GLE1: variants seen among roughly 807,000 people sequenced by gnomAD.
GLE1 encodes mRNA export factor GLE1.
Under a neutral mutation model 97.3 loss-of-function variants are expected in GLE1, and 78 were observed. The ratio of observed to expected loss-of-function variants is 0.80; its 90% CI spans 0.67 to 0.97. The LOEUF (loss-of-function observed/expected upper bound fraction) is 0.97. Ranked by LOEUF, GLE1 falls within the 50% of genes least tolerant of loss-of-function variation. The pLI is 0.00. For missense variants in GLE1, 753 were observed against 857.5 expected, an observed-to-expected ratio of 0.88 and a Z score of 1.52; for synonymous variants, 302 against 313.4, an observed-to-expected ratio of 0.96 and a Z score of 0.39.
chr9:128,539,956 A>G lies in GLE1; in HGVS notation c.1964+258A>G, dbSNP rs1254387223. On this transcript the variant is annotated intron_variant, in intron 14 of 15. Coordinates refer to ENST00000309971, the MANE Select transcript of GLE1 (RefSeq NM_001003722.2). ...AGCACAGTGGCTTATGCCTATAATT[A>G]TGCCTATAATTGCAGCTCTTTGGGA... 9.3e-6 allele frequency: 9 copies of G among 969,266 alleles called. No homozygotes were observed. In the Admixed American group the frequency reaches 1.4e-4, roughly 15 times the overall value. The allele number at this position is 969,266 out of a possible 1,614,324, so 60.0% of individuals were successfully genotyped here.
At chr9:128,509,241 C>G in intron 2 of GLE1, 144 bp downstream of exon 2, 1 of 695,628 alleles carries the variant, frequency 1.4e-6, no homozygotes, top group Non-Finnish European at 2.6e-6. Flanking sequence ...GTTGACAGCA[C>G]CATTCAGTGT....
intron 9 of GLE1, among the ~76,000 whole-genome samples, chr9:128,529,371 C>T (rs559443486): frequency 6.6e-6 from 1 of 152,342 alleles, no homozygotes; most frequent in South Asian, 2.1e-4. Flanking sequence ...GTCCTTGCTG[C>T]TGGGCTTACC....
chr9:128,541,251 T>G lies in GLE1; in HGVS notation c.*81T>G, dbSNP rs1297269824. ...TGAAGACAGCTGTATTTGGGAGAAG[T>G]CATGTCAGATTCAGAAATTTGCCAT... On this transcript the variant is annotated 3_prime_UTR_variant, in exon 16 of 16. Coordinates refer to ENST00000309971, the MANE Select transcript of GLE1 (RefSeq NM_001003722.2). The G allele has an allele frequency of 1.2e-6, 1 of 850,018 alleles. No individual in the cohort carries two copies. The highest frequency in any genetic ancestry group is 2.1e-6 in the Non-Finnish European group (1 of 484,132). The allele number at this position is 850,018 out of a possible 1,614,324, so 52.7% of individuals were successfully genotyped here.
intron 9 of GLE1, among the ~76,000 whole-genome samples, chr9:128,532,313 T>A (rs1366230176): frequency 6.9e-6 from 1 of 145,630 alleles, no homozygotes; most frequent in East Asian, 2.1e-4. Flanking sequence ...TAACCTGCGC[T>A]TCCTGGGTTC....
chr9:128,513,684 G>A (rs1334311577), intron 2 of GLE1, among the ~76,000 whole-genome samples: 3 of 151,132 alleles, frequency 2.0e-5, no homozygotes, highest in Non-Finnish European at 2.9e-5. Context: ...ATGCCAGCAC[G>A]GGTGATAGAG....
In GLE1 at chr9:128,539,653, A is replaced by G; in HGVS notation, c.1919A>G (p.Gln640Arg). 2 of 1,611,798 alleles carry G rather than the reference A, an allele frequency of 1.2e-6. No homozygotes were observed. Among genetic ancestry groups the G allele is most frequent in the Non-Finnish European group, 1.7e-6 (2 of 1,177,894 alleles). The stretch of plus-strand genomic sequence containing the variant: ...GCCCTCATGAAGCAATACCAGGTTC[A>G]GTTCTGGAAGATGCTAATTCTCATC... ...GNALMKQYQV[Q>R]FWKMLILIKE... The change falls in exon 14 of 16, where the codon CAG (glutamine) becomes CGG (arginine). Residue 640 changes from glutamine (Q) to arginine (R), a missense_variant. Gln to Arg is a conservative substitution (Grantham distance 43). Coordinates refer to ENST00000309971, the MANE Select transcript of GLE1 (RefSeq NM_001003722.2).
At chr9:128,516,209 C>A (rs1191015049) in intron 3 of GLE1, among the ~76,000 whole-genome samples, 1 of 152,226 alleles carries the variant, frequency 6.6e-6, no homozygotes, top group East Asian at 1.9e-4. Flanking sequence ...TCACCTGCCT[C>A]AGCCTCCCAA....
intron 2 of GLE1, among the ~76,000 whole-genome samples, chr9:128,511,532 C>G (rs1295184317): frequency 6.6e-6 from 1 of 150,962 alleles, no homozygotes; most frequent in Non-Finnish European, 1.5e-5. Flanking sequence ...ACGGTCAAAC[C>G]CCTTCTCTAC....
intron 3 of GLE1, among the ~76,000 whole-genome samples, chr9:128,520,964 G>C (rs1035082417): frequency 7.9e-5 from 12 of 151,914 alleles, no homozygotes; most frequent in African/African-American, 2.7e-4. Context: ...GGGTCTCTCT[G>C]TTGCCCAGGC....
intron 14 of GLE1, chr9:128,539,937 G>A (rs1414762724): frequency 2.6e-6 from 3 of 1,143,902 alleles, no homozygotes; most frequent in Non-Finnish European, 3.6e-6. Context: ...GCTGAGCACA[G>A]TGGCTTATGC....
chr9:128,515,158 C>T (rs371752610), intron 2 of GLE1, among the ~76,000 whole-genome samples: 30 of 152,176 alleles, frequency 2.0e-4, no homozygotes, highest in African/African-American at 7.0e-4. Flanking sequence ...TCTCCTGAAG[C>T]CAGGAGGATG....
chr9:128,537,622 G>A (rs1260429772), intron 12 of GLE1, among the ~76,000 whole-genome samples: 1 of 152,024 alleles, frequency 6.6e-6, no homozygotes, highest in East Asian at 1.9e-4. Flanking sequence ...TGGGCAACAA[G>A]GTGAAACCAT....
chr9:128,518,822 T>C (rs1202805545), intron 3 of GLE1, among the ~76,000 whole-genome samples: 1 of 146,536 alleles, frequency 6.8e-6, no homozygotes, highest in Non-Finnish European at 1.5e-5. Flanking sequence ...GAGCCAAGAT[T>C]GCACCACTAC....
At position 128,509,099 on chromosome 9, in the gene GLE1, T is replaced by C. The variant is rs1690677282; in HGVS notation, c.321+2T>C. 6.4e-7 allele frequency: 1 copy of C among 1,571,916 alleles called. No homozygotes were observed. Among genetic ancestry groups the C allele is most frequent in the Non-Finnish European group, 8.8e-7 (1 of 1,141,622 alleles). ...CCTGCAACACCAAATGGAACCAAGG[T>C]AAGGTTGTGATCAGCTTAAGACAAA... On this transcript the variant is annotated splice_donor_variant, in intron 2 of 15. Transcript: ENST00000309971. LOFTEE classifies it high-confidence loss of function.
intron 2 of GLE1, among the ~76,000 whole-genome samples, chr9:128,512,839 C>T (rs1299374554): frequency 2.6e-5 from 4 of 151,932 alleles, no homozygotes; most frequent in Admixed American, 6.6e-5. Context: ...TTGTATTTTT[C>T]GTAGAGACGG....
chr9:128,539,814 G>A, intron 14 of GLE1, 116 bp downstream of exon 14: 5 of 1,579,078 alleles, frequency 3.2e-6, no homozygotes, highest in Non-Finnish European at 4.3e-6. Context: ...CCTGTACTAA[G>A]TATGACATCT....
chr9:128,508,474 C>T (rs1185809329), intron 1 of GLE1, among the ~76,000 whole-genome samples: 1 of 152,158 alleles, frequency 6.6e-6, no homozygotes, highest in East Asian at 1.9e-4. Flanking sequence ...TTACGATACT[C>T]GCACAATGAC....
chr9:128,532,209 C>CTTTTTTTTTGTTTTTTTTTTTT (rs1847536902), intron 9 of GLE1, among the ~76,000 whole-genome samples: 1 of 49,358 alleles, frequency 2.0e-5, no homozygotes, highest in Non-Finnish European at 3.6e-5. Flanking sequence ...ATCTGCTTTG[C>CTTTTTTTTTGTTTTTTTTTTTT]TTTTTTTTTT....
Position 128,504,723 on chromosome 9 carries a change from G to T in GLE1, c.-83G>T, listed in dbSNP as rs976755774. ...CTGCGCGCGCGTCCCGGAAGCAGAAGCCTGTGTGGCCTTCCCGGCGGCTGA... is the reference window on the plus strand; with the variant it reads ...CTGCGCGCGCGTCCCGGAAGCAGAATCCTGTGTGGCCTTCCCGGCGGCTGA... On this transcript the variant is annotated 5_prime_UTR_variant, in exon 1 of 16. Transcript: ENST00000309971. The T allele has an allele frequency of 2.5e-5, 23 of 934,640 alleles. No homozygotes were observed. Among genetic ancestry groups the T allele is most frequent in the East Asian group, 7.2e-5 (3 of 41,936 alleles). The allele number at this position is 934,640 out of a possible 1,614,324, so 57.9% of individuals were successfully genotyped here.
Sources: gnomAD v4.1 joint callset for allele counts (sites outside exome capture counted in the v4.1 genomes callset) on GRCh38, gnomAD v4.1.1 for gene constraint, MANE v1.5 for transcripts, NCBI Gene and HGNC (gene_info 2026-07-23, HGNC 2026-07-21) for gene names.